RHOD: variants seen among roughly 807,000 people sequenced by gnomAD.
RHOD encodes the protein rho-related GTP-binding protein RhoD.
RHOD carries 11 observed loss-of-function variants against 16.7 expected under a neutral mutation model. The observed-to-expected ratio is 0.66, with a 90% CI of 0.41 to 1.09. The LOEUF is 1.09. RHOD is among the 50% of genes least tolerant of loss of function. The pLI is 0.00. For missense variants in RHOD, 271 were observed against 291.7 expected, an observed-to-expected ratio of 0.93 and a Z score of 0.52; for synonymous variants, 124 against 126.3, an observed-to-expected ratio of 0.98 and a Z score of 0.12.
chr11:67,056,977 C>T lies in RHOD; in HGVS notation c.75C>T (p.Asp25=). The T allele has an allele frequency of 1.3e-6, 2 of 1,506,988 alleles. No individual in the cohort carries two copies. The highest frequency in any genetic ancestry group is 2.8e-5 in the East Asian group (1 of 35,576). 93.4% of individuals were successfully genotyped at this position (1,506,988 alleles called of 1,614,324 possible). ...VRSVKVVLVG[D]GGCGKTSLLM... ...CCGTCAAGGTGGTCCTGGTGGGCGA[C>T]GGCGGCTGCGGGAAGACGTCGCTGC... Residue 25 remains aspartate, a synonymous_variant, in exon 1 of 5, where the codon GAC becomes GAT. Transcript: ENST00000308831.
chr11:67,065,153 G>T (rs1348653416), intron 1 of RHOD, among the ~76,000 whole-genome samples: 1 of 151,202 alleles, frequency 6.6e-6, no homozygotes, highest in Admixed American at 6.6e-5. Flanking sequence ...TCAGCTCACC[G>T]CAACGTCCAC....
chr11:67,070,399 C>A (rs1333747953), intron 3 of RHOD, 26 bp from the exon 4 acceptor site: 2 of 1,612,394 alleles, frequency 1.2e-6, no homozygotes, highest in Admixed American at 1.7e-5. Context: ...CACATGCCCC[C>A]CACATGCCCC....
intron 4 of RHOD, among the ~76,000 whole-genome samples, chr11:67,071,045 C>T (rs1341006472): frequency 2.0e-5 from 3 of 152,010 alleles, no homozygotes; most frequent in Non-Finnish European, 4.4e-5. Context: ...CCAGCCAGGG[C>T]AAAATAGCGA....
At chr11:67,065,151 C>T (rs974182139) in intron 1 of RHOD, among the ~76,000 whole-genome samples, 12 of 151,874 alleles carry the variant, frequency 7.9e-5, no homozygotes, top group Admixed American at 7.2e-4. Context: ...TCTCAGCTCA[C>T]CGCAACGTCC....
chr11:67,063,538 C>G (rs528317580), intron 1 of RHOD, among the ~76,000 whole-genome samples: 2 of 145,642 alleles, frequency 1.4e-5, no homozygotes, highest in South Asian at 2.2e-4. Context: ...TGGCTCATGC[C>G]TGTAATCCCA....
Position 67,071,498 on chromosome 11 carries a change from G to T in RHOD, c.529G>T (p.Asp177Tyr). 6.2e-7 allele frequency: 1 copy of T among 1,611,116 alleles called. No individual in the cohort carries two copies. Among genetic ancestry groups the T allele is most frequent in the Non-Finnish European group, 8.5e-7 (1 of 1,179,492 alleles). Residue 177 changes from aspartate (D) to tyrosine (Y), a missense_variant, in exon 5 of 5, where the codon GAC becomes TAC. Physicochemically the swap from Asp to Tyr is radical, Grantham distance 160. Coordinates refer to ENST00000308831, the MANE Select transcript of RHOD (RefSeq NM_014578.4). ...CCTCGAGTGCTCGGCTCGGCTCCAT[G>T]ACAACGTCCACGCCGTCTTCCAGGA... ...AYLECSARLH[D>Y]NVHAVFQEAA...
chr11:67,061,828 G>GTATATATATA (rs1284322438), intron 1 of RHOD, among the ~76,000 whole-genome samples: 1 of 144,476 alleles, frequency 6.9e-6, no homozygotes, highest in Admixed American at 7.5e-5. Flanking sequence ...ATATGTGTGT[G>GTATATATATA]TGTGTGTGTG....
chr11:67,071,463 C>T lies in RHOD; in HGVS notation c.494C>T (p.Ala165Val). The T allele has an allele frequency of 6.2e-7, 1 of 1,600,796 alleles. No individual in the cohort carries two copies. Among genetic ancestry groups the T allele is most frequent in the Non-Finnish European group, 8.5e-7 (1 of 1,174,348 alleles). The change falls in exon 5 of 5, where the codon GCG becomes GTG. Residue 165 changes from alanine (A) to valine (V), a missense_variant. Transcript: ENST00000308831. ...CAGGAGATGGCGAGGTCCGTGGGCG[C>T]GGTGGCCTACCTCGAGTGCTCGGCT... ...RGQEMARSVG[A>V]VAYLECSARL...
intron 3 of RHOD, 51 bp downstream of exon 3, chr11:67,066,898 C>A (rs765100358): frequency 2.5e-6 from 3 of 1,192,662 alleles, no homozygotes; most frequent in Non-Finnish European, 2.5e-6. Context: ...GGCCACTCCA[C>A]TCTGCCACCC....
At chr11:67,063,670 G>A (rs1854919770) in intron 1 of RHOD, among the ~76,000 whole-genome samples, 1 of 150,900 alleles carries the variant, frequency 6.6e-6, no homozygotes, top group Non-Finnish European at 1.5e-5. Flanking sequence ...GTGCTGGCGT[G>A]TGCTTGTAAT....
chr11:67,062,707 C>T (rs561388624), intron 1 of RHOD, among the ~76,000 whole-genome samples: 2 of 152,306 alleles, frequency 1.3e-5, no homozygotes, highest in East Asian at 1.9e-4. Flanking sequence ...AGAGGGCCAG[C>T]GGGCAGGCAG....
intron 3 of RHOD, among the ~76,000 whole-genome samples, chr11:67,068,217 T>C (rs765818771): frequency 4.4e-4 from 67 of 152,212 alleles, no homozygotes; most frequent in Non-Finnish European, 7.5e-4. Flanking sequence ...GGCAGTGCGA[T>C]GCATGCGTCT....
At chr11:67,061,844 GTA>G (rs1197866161) in intron 1 of RHOD, among the ~76,000 whole-genome samples, 11 of 140,742 alleles carry the variant, frequency 7.8e-5, no homozygotes, top group Admixed American at 2.2e-4. Context: ...GTGTGTGTGT[GTA>G]TATATATATT....
intron 1 of RHOD, among the ~76,000 whole-genome samples, chr11:67,061,410 A>T (rs1854885117): frequency 1.3e-5 from 2 of 152,158 alleles, no homozygotes; most frequent in South Asian, 4.1e-4. Flanking sequence ...AGGCGGGTGG[A>T]TCACCTGAGG....
chr11:67,062,485 G>T (rs577078228), intron 1 of RHOD, among the ~76,000 whole-genome samples: 1 of 152,300 alleles, frequency 6.6e-6, no homozygotes, highest in South Asian at 2.1e-4. Flanking sequence ...GTCTGTTCCT[G>T]TTGGTTCCTT....
chr11:67,068,252 A>T (rs1012798725), intron 3 of RHOD, among the ~76,000 whole-genome samples: 1 of 152,218 alleles, frequency 6.6e-6, no homozygotes, highest in Non-Finnish European at 1.5e-5. Context: ...CAGGCAGTCC[A>T]GCTGGGCAGC....
rs986270884 is a variant in RHOD, at chr11:67,071,706, C to G, written c.*104C>G. 2.5e-6 allele frequency: 3 copies of G among 1,209,348 alleles called. No homozygotes were observed. The highest frequency in any genetic ancestry group is 2.2e-6 in the Non-Finnish European group (2 of 892,462). The allele number at this position is 1,209,348 out of a possible 1,614,324, so 74.9% of individuals were successfully genotyped here. ...CCTAGGCTGTGACCGCCGAACTCCA[C>G]TGCAACAGACGGGCGCCACCAAAGC... On this transcript the variant is annotated 3_prime_UTR_variant, in exon 5 of 5. Transcript: ENST00000308831.
chr11:67,071,297 C>T (rs989397984), intron 4 of RHOD, 138 bp from the exon 5 acceptor site: 14 of 606,024 alleles, frequency 2.3e-5, no homozygotes, highest in African/African-American at 7.7e-5. Flanking sequence ...TGCATGAGGG[C>T]GCTTGGGCAA....
chr11:67,067,318 A>G (rs1351575519), intron 3 of RHOD, among the ~76,000 whole-genome samples: 1 of 152,128 alleles, frequency 6.6e-6, no homozygotes, highest in East Asian at 1.9e-4. Context: ...GCCTTTAGCC[A>G]TGGCACAGCC....
Sources: gnomAD v4.1 joint callset for allele counts (sites outside exome capture counted in the v4.1 genomes callset) on GRCh38, gnomAD v4.1.1 for gene constraint, MANE v1.5 for transcripts, NCBI Gene and HGNC (gene_info 2026-07-23, HGNC 2026-07-21) for gene names.